The following TBC1D22A variants were observed in gnomAD, a reference collection of about 807,000 sequenced individuals.
TBC1D22A encodes TBC1 domain family member 22A.
In TBC1D22A, 38 loss-of-function variants were observed where a neutral mutation model predicts 60.2. That is an observed-to-expected ratio of 0.63 (90% CI 0.49 to 0.83). TBC1D22A has a LOEUF of 0.83. Among genes scored for constraint, TBC1D22A ranks in the 40% least tolerant of loss-of-function variants. The probability of loss-of-function intolerance (pLI) is 0.00; values close to 1 mark genes in which losing one functional copy is unlikely to be tolerated. For missense variants in TBC1D22A, 628 were observed against 701.0 expected, an observed-to-expected ratio of 0.90 and a Z score of 1.18; for synonymous variants, 302 against 281.7, an observed-to-expected ratio of 1.07 and a Z score of -0.72.
At chr22:46,815,235 G>A (rs2085544884) in intron 4 of TBC1D22A, among the ~76,000 whole-genome samples, 1 of 152,188 alleles carries the variant, frequency 6.6e-6, no homozygotes. Context: ...TGAGCCCTGG[G>A]GCGAGGACTC....
At chr22:46,824,001 C>T (rs1008697786) in intron 4 of TBC1D22A, among the ~76,000 whole-genome samples, 5 of 152,026 alleles carry the variant, frequency 3.3e-5, no homozygotes, top group East Asian at 1.9e-4. Context: ...TCCCTGTAGC[C>T]GTGGTAAGGA....
chr22:46,880,497 G>A (rs1467939144), intron 5 of TBC1D22A, among the ~76,000 whole-genome samples: 1 of 152,184 alleles, frequency 6.6e-6, no homozygotes, highest in Non-Finnish European at 1.5e-5. Context: ...GAAGGGACAG[G>A]CACATGTAGT....
chr22:47,114,235 C>T (rs902880160), intron 12 of TBC1D22A, among the ~76,000 whole-genome samples: 1 of 148,094 alleles, frequency 6.8e-6, no homozygotes, highest in African/African-American at 2.5e-5. Context: ...CAAAGCCACA[C>T]GGCCAGGGTG....
chr22:47,147,538 G>A (rs1286145926), intron 12 of TBC1D22A, among the ~76,000 whole-genome samples: 2 of 152,212 alleles, frequency 1.3e-5, no homozygotes, highest in East Asian at 3.9e-4. Context: ...AGGACCCAGG[G>A]GTCACACATA....
chr22:46,908,200 C>T lies in TBC1D22A; in HGVS notation c.901-3874C>T, dbSNP rs116332003. 8.0e-3 allele frequency among the ~76,000 whole-genome samples: 1,219 copies of T among 152,296 alleles called. 14 individuals are homozygous for T. The highest frequency in any genetic ancestry group is 0.028 in the African/African-American group (1,173 of 41,552). Reference sequence around the variant, plus strand: ...CAGCCAGGAGACTGTCACTGCGGACCAGGCACAAGGTGATGGTGGTCAGGC... The same window carrying T: ...CAGCCAGGAGACTGTCACTGCGGACTAGGCACAAGGTGATGGTGGTCAGGC... On this transcript the variant is annotated intron_variant, in intron 7 of 12. Transcript: ENST00000337137.
rs932300663 is a variant in TBC1D22A, at chr22:46,777,439, C to T, written c.62+14591C>T. 3.3e-5 allele frequency among the ~76,000 whole-genome samples: 5 copies of T among 152,008 alleles called. No homozygotes were observed. The highest frequency in any genetic ancestry group is 6.6e-5 in the Admixed American group (1 of 15,258). On this transcript the variant is annotated intron_variant, in intron 1 of 12. Coordinates refer to ENST00000337137, the MANE Select transcript of TBC1D22A (RefSeq NM_014346.5). The surrounding 1 kb of genome is among the most constrained non-coding windows in gnomAD (Gnocchi z 4.5). ...CTGATTTTTTGGGGGAACCCGTTGA[C>T]GTGAGGTGGTGGATTCGTGGCTGAG... is the stretch of plus-strand genomic sequence containing the variant.
chr22:46,817,324 G>A (rs1327928566), intron 4 of TBC1D22A, among the ~76,000 whole-genome samples: 1 of 150,782 alleles, frequency 6.6e-6, no homozygotes, highest in East Asian at 1.9e-4. Flanking sequence ...GTGCAGGTTT[G>A]TTACGTAGGT....
intron 10 of TBC1D22A, among the ~76,000 whole-genome samples, chr22:47,020,995 C>T (rs1332194254): frequency 6.6e-6 from 1 of 152,218 alleles, no homozygotes; most frequent in Non-Finnish European, 1.5e-5. Flanking sequence ...CAGCCCACAG[C>T]TGGCTCAGTC....
At chr22:46,849,104 T>C (rs117179487) in intron 4 of TBC1D22A, among the ~76,000 whole-genome samples, 1 of 152,322 alleles carries the variant, frequency 6.6e-6, no homozygotes, top group East Asian at 1.9e-4. Flanking sequence ...TCACAATTTG[T>C]GTGACGCTCT....
At position 46,998,899 on chromosome 22, in the gene TBC1D22A, G is replaced by A. The variant is rs373017898; in HGVS notation, c.1201+1190G>A. Among the ~76,000 whole-genome samples, 145 of 152,368 alleles carry A rather than the reference G, an allele frequency of 9.5e-4. 1 individual carries two copies. Among genetic ancestry groups the A allele is most frequent in the Admixed American group, 3.9e-3 (59 of 15,308 alleles). ...GTGCGCTCACCGCACGCTCCACCGC[G>A]CGGTCTTGTTTGGGTGCGGCTGGGT... is the stretch of plus-strand genomic sequence containing the variant. On this transcript the variant is annotated intron_variant, in intron 10 of 12. Transcript: ENST00000337137.
chr22:47,001,299 C>CTTT (rs11331060), intron 10 of TBC1D22A, among the ~76,000 whole-genome samples: 4 of 133,890 alleles, frequency 3.0e-5, no homozygotes, highest in Admixed American at 1.5e-4. Flanking sequence ...TTCTTTCTTT[C>CTTT]TTTTTTTTTT....
At chr22:46,846,436 T>C (rs11090900) in intron 4 of TBC1D22A, among the ~76,000 whole-genome samples, 68,229 of 151,948 alleles carry the variant, frequency 0.45, 15,946 homozygotes, top group African/African-American at 0.59. Context: ...TGTGGGGTGC[T>C]TAAGTGTGGG....
At chr22:46,822,084 C>T (rs1028188079) in intron 4 of TBC1D22A, among the ~76,000 whole-genome samples, 9 of 151,804 alleles carry the variant, frequency 5.9e-5, no homozygotes, top group African/African-American at 1.5e-4. Flanking sequence ...TTTTCAGCTC[C>T]GTCAGGTCAT....
intron 11 of TBC1D22A, among the ~76,000 whole-genome samples, chr22:47,042,750 C>T (rs1404001165): frequency 2.0e-5 from 3 of 152,270 alleles, no homozygotes; most frequent in Non-Finnish European, 2.9e-5. Flanking sequence ...TGAGGCACAT[C>T]TCCCAGAGGT....
chr22:46,787,047 G>T (rs5769152), intron 1 of TBC1D22A, among the ~76,000 whole-genome samples: 80,474 of 151,956 alleles, frequency 0.53, 21,862 homozygotes, highest in Middle Eastern at 0.69. Context: ...CCTTGAGTAA[G>T]TTTCAGTTGT....
chr22:47,130,302 C>G (rs891627374), intron 12 of TBC1D22A, among the ~76,000 whole-genome samples: 9 of 152,208 alleles, frequency 5.9e-5, no homozygotes, highest in Non-Finnish European at 1.3e-4. Context: ...TAGGCCCCTC[C>G]TCAGGACACC....
At chr22:46,780,183 C>T (rs777492918) in intron 1 of TBC1D22A, among the ~76,000 whole-genome samples, 28 of 152,120 alleles carry the variant, frequency 1.8e-4, no homozygotes, top group Non-Finnish European at 3.1e-4. Context: ...GCTATTGACC[C>T]CTAAGGGGGC....
chr22:47,010,534 C>G (rs760932213), intron 10 of TBC1D22A, among the ~76,000 whole-genome samples: 22 of 152,162 alleles, frequency 1.4e-4, no homozygotes, highest in Middle Eastern at 3.2e-3. Flanking sequence ...TTCCTGTGCT[C>G]CTGGTTTCCT....
chr22:47,162,646 G>A (rs191930774), intron 12 of TBC1D22A, among the ~76,000 whole-genome samples: 667 of 52,124 alleles, frequency 0.013, 1 homozygote, highest in Non-Finnish European at 0.024. Context: ...AGGGAGAGTC[G>A]TGGGAATGGG....
Sources: allele counts gnomAD v4.1 joint callset (sites outside exome capture counted in the v4.1 genomes callset), GRCh38; gene constraint gnomAD v4.1.1; non-coding constraint Gnocchi (gnomAD v3.1); transcripts MANE v1.5; gene names NCBI Gene and HGNC (gene_info 2026-07-23, HGNC 2026-07-21).